Variants in CALN1 observed in about 807,000 individuals in gnomAD.
The protein encoded by CALN1 is calcium-binding protein 8.
A neutral mutation model predicts 30.6 loss-of-function variants in CALN1; 17 were observed. The ratio of observed to expected loss-of-function variants is 0.56; its 90% confidence interval spans 0.38 to 0.83. The LOEUF (loss-of-function observed/expected upper bound fraction) is 0.83, where lower values mean the gene tolerates loss of function less well. CALN1 is among the 40% of genes least tolerant of loss of function. CALN1 has a pLI of 0.00. For synonymous variants in CALN1, 156 were observed against 131.4 expected (o/e 1.19, Z -1.28); for missense variants, 291 against 354.9 (o/e 0.82, Z 1.45).
At chr7:72,205,860 A>C (rs371103357) in intron 3 of CALN1, among the ~76,000 whole-genome samples, 7 of 151,998 alleles carry the variant, frequency 4.6e-5, no homozygotes, top group Middle Eastern at 3.2e-3. Flanking sequence ...ATGCTTTAGC[A>C]TAAGGAAAGA....
chr7:71,831,892 A>AAAC (rs1789305570), intron 5 of CALN1, among the ~76,000 whole-genome samples: 1 of 150,192 alleles, frequency 6.7e-6, no homozygotes, highest in Non-Finnish European at 1.5e-5. Context: ...AAAAAAAAAA[A>AAAC]AAAAACAAAC....
intron 5 of CALN1, among the ~76,000 whole-genome samples, chr7:72,006,036 T>A (rs1440792365): frequency 6.6e-6 from 1 of 152,186 alleles, no homozygotes; most frequent in Non-Finnish European, 1.5e-5. Context: ...TTTTGGAAAA[T>A]GTTACCATTA....
At chr7:71,934,133 C>T (rs780807763) in intron 5 of CALN1, among the ~76,000 whole-genome samples, 1 of 152,188 alleles carries the variant, frequency 6.6e-6, no homozygotes, top group Non-Finnish European at 1.5e-5. Context: ...AAGAGGGCTG[C>T]AGGCTGGAAC....
chr7:72,417,464 C>T (rs936579563), intron 1 of CALN1, among the ~76,000 whole-genome samples: 2 of 152,170 alleles, frequency 1.3e-5, no homozygotes, highest in African/African-American at 4.8e-5. Flanking sequence ...CAGTTGCAAG[C>T]CTGGGGTGGC....
chr7:71,909,175 C>T lies in CALN1; in HGVS notation c.502-98683G>A, dbSNP rs577804452. 3.3e-5 allele frequency among the ~76,000 whole-genome samples: 5 copies of T among 152,202 alleles called. No homozygotes were observed. In the East Asian group the frequency reaches 9.7e-4, roughly 29 times the overall value. On this transcript the variant is annotated intron_variant, in intron 5 of 6. Coordinates refer to ENST00000395275, the MANE Select transcript of CALN1 (RefSeq NM_031468.4). ...GGGACAATAGGCAGGCACCAACACG[C>T]CCAGCTGATTTTTATTTTTTAGAGA...
chr7:72,168,622 G>C (rs1482768519), intron 3 of CALN1, among the ~76,000 whole-genome samples: 4 of 151,980 alleles, frequency 2.6e-5, no homozygotes, highest in Non-Finnish European at 4.4e-5. Flanking sequence ...AACTAAAAAA[G>C]TAAAAGAGAC....
At chr7:72,351,732 TAATC>T (rs900062525) in intron 2 of CALN1, among the ~76,000 whole-genome samples, 2 of 151,712 alleles carry the variant, frequency 1.3e-5, no homozygotes, top group Non-Finnish European at 1.5e-5. Flanking sequence ...ATTTGAAAAA[TAATC>T]AATACCAGAA....
chr7:71,795,719 C>T (rs534745910), intron 6 of CALN1, among the ~76,000 whole-genome samples: 83 of 151,946 alleles, frequency 5.5e-4, no homozygotes, highest in African/African-American at 1.9e-3. Context: ...CAAATAAATA[C>T]GATCATACAG....
chr7:72,308,075 A>C (rs1011933107), intron 2 of CALN1, among the ~76,000 whole-genome samples: 1 of 152,124 alleles, frequency 6.6e-6, no homozygotes, highest in African/African-American at 2.4e-5. Context: ...AGAAATCCAC[A>C]AACTAGGGCT....
chr7:72,090,951 G>A (rs556217393), intron 4 of CALN1, among the ~76,000 whole-genome samples: 2 of 152,166 alleles, frequency 1.3e-5, no homozygotes, highest in Non-Finnish European at 2.9e-5. Flanking sequence ...GGTAAGAAGA[G>A]ATGGCTAATG....
At chr7:72,050,439 G>A (rs188383889) in intron 4 of CALN1, among the ~76,000 whole-genome samples, 10 of 152,038 alleles carry the variant, frequency 6.6e-5, no homozygotes, top group Admixed American at 3.3e-4. Context: ...ATGGTAGATC[G>A]CAAAAAATCA....
intron 4 of CALN1, among the ~76,000 whole-genome samples, chr7:72,083,111 G>A (rs1305775099): frequency 6.6e-6 from 1 of 152,144 alleles, no homozygotes; most frequent in Non-Finnish European, 1.5e-5. Flanking sequence ...TGAGGTGGGA[G>A]AATCGCTTGA....
chr7:72,354,546 T>C (rs1487459836), intron 2 of CALN1, among the ~76,000 whole-genome samples: 2 of 152,160 alleles, frequency 1.3e-5, no homozygotes, highest in Non-Finnish European at 2.9e-5. Context: ...TTTCAAGACT[T>C]AACTATAAAG....
At chr7:72,463,690 G>A in the CALN1 span, among the ~76,000 whole-genome samples, 4 of 151,982 alleles carry the variant, frequency 2.6e-5, no homozygotes, top group Admixed American at 1.3e-4. Context: ...CTCCCATGTG[G>A]CTGGGACCAC....
rs1339324915 is a variant in CALN1, at chr7:71,787,883, G to A, written c.678C>T (p.Asn226=). Residue 226 remains asparagine, a synonymous_variant, in exon 7 of 7, where the codon AAC becomes AAT. Transcript: ENST00000395275. ...GGCTCTTCCGGACGCAGGTCTGTCT[G>A]TTCTGCTTCTGGGAATGCACTGGTG... is the stretch of plus-strand genomic sequence containing the variant. The part of the protein sequence containing the change: ...EFEGVHSQKQ[N]RQTCVRKSLI... The A allele has an allele frequency of 6.2e-7, 1 of 1,614,144 alleles. No individual in the cohort carries two copies. The highest frequency in any genetic ancestry group is 1.7e-5 in the Admixed American group (1 of 60,014).
At chr7:71,989,928 C>T (rs1798861901) in intron 5 of CALN1, among the ~76,000 whole-genome samples, 2 of 152,086 alleles carry the variant, frequency 1.3e-5, no homozygotes, top group African/African-American at 4.8e-5. Flanking sequence ...AAATAAAAAA[C>T]CAAGAGCAAA....
chr7:72,389,548 C>T (rs914415398), intron 2 of CALN1, among the ~76,000 whole-genome samples: 1 of 152,150 alleles, frequency 6.6e-6, no homozygotes, highest in African/African-American at 2.4e-5. Context: ...TAAAGTGTAA[C>T]GTCTCCTTAA....
chr7:72,097,555 C>T (rs1027115224), intron 4 of CALN1, among the ~76,000 whole-genome samples: 2 of 151,592 alleles, frequency 1.3e-5, no homozygotes, highest in Non-Finnish European at 2.9e-5. Flanking sequence ...AGCCTGTAAT[C>T]CCAGCACTTT....
chr7:72,300,123 G>A (rs368008690), intron 2 of CALN1, among the ~76,000 whole-genome samples: 7 of 151,372 alleles, frequency 4.6e-5, no homozygotes, highest in East Asian at 3.9e-4. Flanking sequence ...CTCATGATCC[G>A]CCCACCTCGT....
Sources: gnomAD v4.1 joint callset for allele counts (sites outside exome capture counted in the v4.1 genomes callset) on GRCh38, gnomAD v4.1.1 for gene constraint, MANE v1.5 for transcripts, NCBI Gene and HGNC (gene_info 2026-07-23, HGNC 2026-07-21) for gene names.